Variants in SAMD5 observed in about 807,000 individuals in gnomAD.
The protein encoded by SAMD5 is sterile alpha motif domain-containing protein 5.
SAMD5 carries 13 observed loss-of-function variants against 11.3 expected under a neutral mutation model. That is an observed-to-expected ratio of 1.15 (90% CI 0.75 to 1.83). SAMD5 has a LOEUF of 1.83. Among genes scored for constraint, SAMD5 ranks in the 40% most tolerant of loss-of-function variants. The pLI is 0.00. For synonymous variants in SAMD5, 129 were observed against 111.3 expected (o/e 1.16, Z -1.00); for missense variants, 255 against 239.1 (o/e 1.07, Z -0.44).
the SAMD5 span, among the ~76,000 whole-genome samples, chr6:147,877,933 A>AGAAG: frequency 1.8e-4 from 1 of 5,450 alleles, no homozygotes; most frequent in Non-Finnish European, 3.7e-4. Context: ...CTAGATAGAT[A>AGAAG]GATAGATAGA....
chr6:147,849,350 G>T, the SAMD5 span, among the ~76,000 whole-genome samples: 1 of 151,820 alleles, frequency 6.6e-6, no homozygotes, highest in Non-Finnish European at 1.5e-5. Context: ...TGAAGACATT[G>T]CTTTAAAAAT....
the SAMD5 span, among the ~76,000 whole-genome samples, chr6:147,946,815 A>G: frequency 2.0e-5 from 3 of 152,362 alleles, no homozygotes; most frequent in Non-Finnish European, 4.4e-5. Context: ...AACTGAAATT[A>G]GAAAGTTTAT....
At chr6:147,951,944 G>A in the SAMD5 span, among the ~76,000 whole-genome samples, 8 of 152,128 alleles carry the variant, frequency 5.3e-5, no homozygotes, top group Admixed American at 5.2e-4. Context: ...TTTAACGCAG[G>A]GGGGCCATAT....
At chr6:147,799,188 A>T in the SAMD5 span, among the ~76,000 whole-genome samples, 1 of 151,412 alleles carries the variant, frequency 6.6e-6, no homozygotes, top group Admixed American at 6.6e-5. Context: ...TTTTGGCATG[A>T]TTTTGCAGCG....
At chr6:147,720,199 C>T (rs534754254) in intron 1 of SAMD5, among the ~76,000 whole-genome samples, 169 of 152,316 alleles carry the variant, frequency 1.1e-3, no homozygotes, top group African/African-American at 4.0e-3. Context: ...ATGGTCTCCA[C>T]GCCTGTAATC....
chr6:147,680,359 T>A (rs1332873870), intron 1 of SAMD5, among the ~76,000 whole-genome samples: 3 of 152,140 alleles, frequency 2.0e-5, no homozygotes, highest in Non-Finnish European at 4.4e-5. Flanking sequence ...CAAATTTGTA[T>A]CTTGATCTTG....
In SAMD5 at chr6:147,579,506, T is replaced by C. The variant is rs146389541; in HGVS notation, c.162+70119T>C. ...TTTGAGACGGAGTCTCACTCTGCAG[T>C]GCAGGCTAAAGTGCAGCAGTGTGAT... On this transcript the variant is annotated intron_variant, in intron 1 of 1. Transcript: ENST00000566741. Among the ~76,000 whole-genome samples the C allele has an allele frequency of 6.5e-3, 850 of 131,106 alleles. 9 individuals carry two copies. The highest frequency in any genetic ancestry group is 0.024 in the African/African-American group (805 of 33,848). 86.0% of individuals were successfully genotyped at this position (131,106 alleles called of 152,430 possible). A position where few individuals can be genotyped will look rare whatever the true frequency, so the allele number is the denominator to read the frequency against.
At position 147,711,281 on chromosome 6, in the gene SAMD5, C is replaced by T. The variant is rs140758037; in HGVS notation, c.163-26036C>T. ...GTTCAGCCCATTGTCAGGGGTTTCACAGCTCGTAGGTTGTGGGACTGGGAT... is the reference window on the plus strand; with the variant it reads ...GTTCAGCCCATTGTCAGGGGTTTCATAGCTCGTAGGTTGTGGGACTGGGAT... On this transcript the variant is annotated intron_variant, in intron 1 of 1. Transcript: ENST00000566741. The surrounding 1 kb of genome is among the most constrained non-coding windows in gnomAD (Gnocchi z 4.1). Among the ~76,000 whole-genome samples the T allele has an allele frequency of 1.9e-3, 296 of 152,306 alleles. No individual in the cohort carries two copies. In the Middle Eastern group the frequency reaches 0.034, roughly 18 times the overall value.
At chr6:147,835,276 C>T in the SAMD5 span, among the ~76,000 whole-genome samples, 13 of 149,084 alleles carry the variant, frequency 8.7e-5, no homozygotes, top group South Asian at 1.9e-3. Context: ...GATTGTGCAG[C>T]GGCTGTTGTG....
intron 1 of SAMD5, among the ~76,000 whole-genome samples, chr6:147,517,735 A>T (rs935459552): frequency 6.6e-6 from 1 of 152,166 alleles, no homozygotes; most frequent in African/African-American, 2.4e-5. Context: ...AGTGGTGGCA[A>T]GCCTTCATTC....
At position 147,594,003 on chromosome 6, in the gene SAMD5, CCTGTAATCCCAGATA is replaced by C. The variant is rs575460366; in HGVS notation, c.162+84619_162+84633del. On this transcript the variant is annotated intron_variant, in intron 1 of 1. Coordinates refer to the SAMD5 transcript ENST00000566741. The stretch of plus-strand genomic sequence containing the variant: ...ATTAGCCTGGCTTGGTGTGCAGGTG[CCTGTAATCCCAGATA>C]CTCAGGAGGCTGAGGCAGGAGAATC... Among the ~76,000 whole-genome samples the C allele has an allele frequency of 5.0e-3, 763 of 152,020 alleles. 14 individuals carry two copies. The highest frequency in any genetic ancestry group is 4.3e-3 in the Non-Finnish European group (289 of 67,982).
At chr6:147,895,350 T>G in the SAMD5 span, among the ~76,000 whole-genome samples, 2 of 152,184 alleles carry the variant, frequency 1.3e-5, no homozygotes, top group Non-Finnish European at 2.9e-5. Flanking sequence ...CATAGACCTT[T>G]AACTGGAATA....
the SAMD5 span, among the ~76,000 whole-genome samples, chr6:147,816,301 A>AATATATATATATATATATATAT: frequency 4.5e-5 from 3 of 66,352 alleles, no homozygotes; most frequent in African/African-American, 3.1e-4. Flanking sequence ...AAAAAAAAAA[A>AATATATATATATATATATATAT]ATATATATAT....
the SAMD5 span, among the ~76,000 whole-genome samples, chr6:147,873,857 T>C: frequency 6.6e-6 from 1 of 152,234 alleles, no homozygotes; most frequent in Non-Finnish European, 1.5e-5. Context: ...TAATGTCCTA[T>C]ATACCTTCTG....
the SAMD5 span, among the ~76,000 whole-genome samples, chr6:147,835,805 C>A: frequency 1.3e-5 from 2 of 152,242 alleles, no homozygotes; most frequent in East Asian, 1.9e-4. Flanking sequence ...TCCAGAAGGA[C>A]CCGCATCACC....
chr6:147,700,868 C>A (rs1183644007), intron 1 of SAMD5, among the ~76,000 whole-genome samples: 3 of 152,096 alleles, frequency 2.0e-5, no homozygotes, highest in Non-Finnish European at 4.4e-5. Context: ...GGAGAATAGA[C>A]CAGAACAAGT....
the SAMD5 span, among the ~76,000 whole-genome samples, chr6:147,920,627 A>C: frequency 1.3e-5 from 2 of 152,190 alleles, no homozygotes; most frequent in African/African-American, 4.8e-5. Context: ...GTAGACTGTA[A>C]ACCTCAAGCT....
the SAMD5 span, among the ~76,000 whole-genome samples, chr6:147,943,280 G>C: frequency 6.6e-6 from 1 of 152,168 alleles, no homozygotes; most frequent in African/African-American, 2.4e-5. Flanking sequence ...TCCTTGGAAA[G>C]TTGGTTGTTT....
intron 1 of SAMD5, among the ~76,000 whole-genome samples, chr6:147,617,649 T>C (rs1178428864): frequency 6.6e-6 from 1 of 152,228 alleles, no homozygotes; most frequent in African/African-American, 2.4e-5. Flanking sequence ...CATTAGCTTA[T>C]GGGGGTCTCT....
Sources: allele counts gnomAD v4.1 joint callset (sites outside exome capture counted in the v4.1 genomes callset), GRCh38; gene constraint gnomAD v4.1.1; non-coding constraint Gnocchi (gnomAD v3.1); transcripts MANE v1.5; gene names NCBI Gene and HGNC (gene_info 2026-07-23, HGNC 2026-07-21).